The following ADAMTS19 variants were observed in gnomAD, a reference collection of about 807,000 sequenced individuals.
The protein encoded by ADAMTS19 is ADAM metallopeptidase with thrombospondin type 1 motif 19.
Under a neutral mutation model 153.3 loss-of-function variants are expected in ADAMTS19, and 93 were observed. That is an observed-to-expected ratio of 0.61 (90% CI 0.51 to 0.72). The LOEUF is 0.72. Among genes scored for constraint, ADAMTS19 ranks in the 30% least tolerant of loss-of-function variants. ADAMTS19 has a pLI of 0.00. For synonymous variants in ADAMTS19, 600 were observed against 556.6 expected (o/e 1.08, Z -1.10); for missense variants, 1,482 against 1,552.1 (o/e 0.95, Z 0.76).
At chr5:129,648,518 C>T (rs1468211739) in intron 12 of ADAMTS19, among the ~76,000 whole-genome samples, 1 of 151,992 alleles carries the variant, frequency 6.6e-6, no homozygotes, top group Non-Finnish European at 1.5e-5. Context: ...TTCTATTTTC[C>T]CTTCAGTTTC....
At chr5:129,473,167 C>A (rs913863865) in intron 2 of ADAMTS19, among the ~76,000 whole-genome samples, 2 of 148,442 alleles carry the variant, frequency 1.3e-5, no homozygotes, top group African/African-American at 5.0e-5. Flanking sequence ...TGTCAAATGT[C>A]CTGTAAAACT....
intron 7 of ADAMTS19, among the ~76,000 whole-genome samples, chr5:129,556,040 A>C (rs1160888744): frequency 6.6e-6 from 1 of 152,160 alleles, no homozygotes; most frequent in Non-Finnish European, 1.5e-5. Flanking sequence ...TCCGTTGATA[A>C]ATTATAGTTA....
chr5:129,505,211 G>A (rs1022535727), intron 2 of ADAMTS19, among the ~76,000 whole-genome samples: 5 of 152,110 alleles, frequency 3.3e-5, no homozygotes, highest in Admixed American at 2.6e-4. Context: ...TCAGGAACAT[G>A]AAGAAAATTG....
chr5:129,716,788 T>A (rs186348934), intron 21 of ADAMTS19, among the ~76,000 whole-genome samples: 20 of 152,252 alleles, frequency 1.3e-4, no homozygotes, highest in African/African-American at 4.8e-4. Context: ...CTCCGTCTAT[T>A]CACGAGATGG....
chr5:129,610,977 C>T (rs1166422248), intron 8 of ADAMTS19, among the ~76,000 whole-genome samples: 4 of 152,146 alleles, frequency 2.6e-5, no homozygotes, highest in Admixed American at 2.6e-4. Context: ...TTAATGATCG[C>T]CATTCTAACT....
chr5:129,709,599 A>C (rs1756343962), intron 21 of ADAMTS19, among the ~76,000 whole-genome samples: 1 of 152,198 alleles, frequency 6.6e-6, no homozygotes, highest in Non-Finnish European at 1.5e-5. Flanking sequence ...TTGCATAATC[A>C]AGCATTATAA....
intron 17 of ADAMTS19, among the ~76,000 whole-genome samples, chr5:129,682,965 G>A (rs979822321): frequency 2.0e-5 from 3 of 151,882 alleles, no homozygotes; most frequent in African/African-American, 7.3e-5. Context: ...ATTTTCCTAT[G>A]GAATGTTAAC....
intron 10 of ADAMTS19, among the ~76,000 whole-genome samples, chr5:129,631,544 T>C (rs1450899067): frequency 6.6e-6 from 1 of 152,020 alleles, no homozygotes; most frequent in Non-Finnish European, 1.5e-5. Context: ...ACAGTTATTA[T>C]TGTTATGTCT....
Position 129,527,631 on chromosome 5 carries a change from TTTA to T in ADAMTS19, c.1087-116_1087-114del, listed in dbSNP as rs1349266864. 9.5e-3 allele frequency: 2,517 copies of T among 265,514 alleles called. 54 individuals carry two copies. Among genetic ancestry groups the T allele is most frequent in the African/African-American group, 0.091 (2,335 of 25,596 alleles). The allele number at this position is 265,514 out of a possible 1,614,324, so 16.4% of individuals were successfully genotyped here. ...GCTTTACAAGCTTTTTTTTTTTTTT[TTTA>T]AAAAAAAAAAAAGATGTCTCAACTA... is the stretch of plus-strand genomic sequence containing the variant. On this transcript the variant is annotated intron_variant, in intron 4 of 22. Transcript: ENST00000274487.
At chr5:129,684,605 T>G (rs538985681) in intron 18 of ADAMTS19, among the ~76,000 whole-genome samples, 2 of 152,356 alleles carry the variant, frequency 1.3e-5, no homozygotes, top group South Asian at 4.1e-4. Context: ...TAGGTACTAT[T>G]TATGCACTGT....
rs144800758 is a variant in ADAMTS19, at chr5:129,617,471, C to T, written c.1479-3147C>T. 2.0e-4 allele frequency among the ~76,000 whole-genome samples: 30 copies of T among 152,176 alleles called. 2 individuals are homozygous for T. Among genetic ancestry groups the T allele is most frequent in the African/African-American group, 6.5e-4 (27 of 41,546 alleles). ...AATCCCTCTCCTTCCCTCATTGGGA[C>T]ACATTATTTAGGAAGGTTTATTATT... is the stretch of plus-strand genomic sequence containing the variant. On this transcript the variant is annotated intron_variant, in intron 8 of 22. Transcript: ENST00000274487.
intron 8 of ADAMTS19, among the ~76,000 whole-genome samples, chr5:129,610,754 G>T (rs1314546630): frequency 6.6e-6 from 1 of 152,086 alleles, no homozygotes; most frequent in Non-Finnish European, 1.5e-5. Flanking sequence ...AAACATACGT[G>T]TGCATGTGTC....
intron 3 of ADAMTS19, among the ~76,000 whole-genome samples, chr5:129,509,559 A>T (rs1210204077): frequency 6.6e-6 from 1 of 151,956 alleles, no homozygotes; most frequent in Non-Finnish European, 1.5e-5. Context: ...ATAATTCCAG[A>T]TACCCTGAAA....
At chr5:129,527,643 A>G (rs1048003779) in intron 4 of ADAMTS19, 105 bp from the exon 5 acceptor site, 6 of 362,756 alleles carry the variant, frequency 1.7e-5, no homozygotes, top group South Asian at 5.7e-5. Context: ...TAAAAAAAAA[A>G]AAAGATGTCT....
chr5:129,558,348 T>C (rs1465380085), intron 7 of ADAMTS19, among the ~76,000 whole-genome samples: 2 of 152,102 alleles, frequency 1.3e-5, no homozygotes, highest in East Asian at 3.9e-4. Context: ...ATCAAATCAA[T>C]ATGCAATAAC....
At chr5:129,665,092 G>A (rs1036048823) in intron 15 of ADAMTS19, among the ~76,000 whole-genome samples, 2 of 151,918 alleles carry the variant, frequency 1.3e-5, no homozygotes, top group African/African-American at 2.4e-5. Flanking sequence ...TATTTTCTCC[G>A]GCTATATATT....
chr5:129,601,176 G>GTTA (rs1007061339), intron 8 of ADAMTS19, among the ~76,000 whole-genome samples: 25 of 152,078 alleles, frequency 1.6e-4, no homozygotes, highest in African/African-American at 5.8e-4. Context: ...CCAGCCAGGA[G>GTTA]TTATTATTTT....
At chr5:129,533,420 C>G (rs908558162) in intron 6 of ADAMTS19, among the ~76,000 whole-genome samples, 7 of 152,144 alleles carry the variant, frequency 4.6e-5, no homozygotes, top group African/African-American at 1.7e-4. Context: ...GTTTGTATTT[C>G]TGTGGGATCG....
In ADAMTS19 at chr5:129,644,945, A is replaced by G. The variant is rs191650001; in HGVS notation, c.1873-2820A>G. Among the ~76,000 whole-genome samples the G allele has an allele frequency of 6.5e-3, 996 of 152,296 alleles. 15 individuals carry two copies. The highest frequency in any genetic ancestry group is 0.023 in the African/African-American group (958 of 41,562). Reference sequence around the variant, plus strand: ...CCTAACAGTCACAATGTGCATATGTACACAGCTTTTTCCCTGCCTTCCTCC... The same window carrying G: ...CCTAACAGTCACAATGTGCATATGTGCACAGCTTTTTCCCTGCCTTCCTCC... On this transcript the variant is annotated intron_variant, in intron 11 of 22. Coordinates refer to ENST00000274487, the MANE Select transcript of ADAMTS19 (RefSeq NM_133638.6).
Sources: gnomAD v4.1 joint callset for allele counts (sites outside exome capture counted in the v4.1 genomes callset) on GRCh38, gnomAD v4.1.1 for gene constraint, MANE v1.5 for transcripts, NCBI Gene and HGNC (gene_info 2026-07-23, HGNC 2026-07-21) for gene names.